NHEJ1: variants seen among roughly 807,000 people sequenced by gnomAD.
The protein encoded by NHEJ1 is non-homologous end-joining factor 1.
A neutral mutation model predicts 39.4 loss-of-function variants in NHEJ1; 22 were observed. The observed-to-expected ratio is 0.56, with a 90% CI of 0.40 to 0.80. NHEJ1 has a LOEUF of 0.80. Ranked by LOEUF, NHEJ1 falls within the 30% of genes least tolerant of loss-of-function variation. The probability of loss-of-function intolerance (pLI) is 0.00; values close to 1 mark genes in which losing one functional copy is unlikely to be tolerated. For missense variants in NHEJ1, 329 were observed against 357.1 expected, an observed-to-expected ratio of 0.92 and a Z score of 0.63; for synonymous variants, 154 against 135.6, an observed-to-expected ratio of 1.14 and a Z score of -0.94.
chr2:219,107,487 G>C (rs1158946438), intron 5 of NHEJ1, among the ~76,000 whole-genome samples: 3 of 152,164 alleles, frequency 2.0e-5, no homozygotes, highest in Admixed American at 2.0e-4. Flanking sequence ...CAGATGACAG[G>C]AACAAATGCA....
intron 5 of NHEJ1, among the ~76,000 whole-genome samples, chr2:219,094,953 C>T (rs1473580668): frequency 1.3e-5 from 2 of 152,090 alleles, no homozygotes; most frequent in African/African-American, 4.8e-5. Flanking sequence ...CTCCAAACCA[C>T]CAAAACAGAG....
At chr2:219,119,314 T>C (rs867757198) in intron 5 of NHEJ1, among the ~76,000 whole-genome samples, 8 of 152,290 alleles carry the variant, frequency 5.3e-5, no homozygotes, top group Middle Eastern at 3.4e-3. Context: ...GTAGAAACTA[T>C]GGCATCTGGT....
intron 5 of NHEJ1, among the ~76,000 whole-genome samples, chr2:219,109,805 G>GCATGTGC (rs1949347511): frequency 6.6e-6 from 1 of 152,200 alleles, no homozygotes; most frequent in Admixed American, 6.5e-5. Context: ...CTGTCAGACT[G>GCATGTGC]CCTAAGATAG....
At chr2:219,080,587 T>TTATA (rs58776270) in intron 5 of NHEJ1, among the ~76,000 whole-genome samples, 5 of 59,868 alleles carry the variant, frequency 8.4e-5, no homozygotes, top group African/African-American at 1.8e-4. Context: ...ATATATACGC[T>TTATA]TATATATATA....
chr2:219,156,564 G>A (rs940568268), intron 3 of NHEJ1, among the ~76,000 whole-genome samples: 12 of 152,186 alleles, frequency 7.9e-5, no homozygotes, highest in African/African-American at 2.9e-4. Flanking sequence ...GTGAGTAGAG[G>A]ATATTATCCC....
intron 5 of NHEJ1, among the ~76,000 whole-genome samples, chr2:219,104,145 C>T (rs1413909345): frequency 6.6e-6 from 1 of 152,100 alleles, no homozygotes; most frequent in Non-Finnish European, 1.5e-5. Context: ...GGTCACCGCA[C>T]TGCATGAATC....
chr2:219,078,067 C>T (rs372523451), intron 6 of NHEJ1, 22 bp downstream of exon 6: 71 of 1,536,870 alleles, frequency 4.6e-5, no homozygotes, highest in Middle Eastern at 1.7e-4. Context: ...TCACACAGAC[C>T]GGGTACCTCT....
chr2:219,117,510 G>A (rs1949426501), intron 5 of NHEJ1, among the ~76,000 whole-genome samples: 1 of 152,364 alleles, frequency 6.6e-6, no homozygotes, highest in African/African-American at 2.4e-5. Context: ...CAGGCTCAGA[G>A]AATCAGCCAG....
rs544403504 is a variant in NHEJ1 at position 219,073,896 on chromosome 2, T to A, written c.*2485A>T. ...CTTTTATGTGCATGTAGAGTGGGGG[T>A]TGGGCCAGGCTGGGGGCCTCAGGGA... is the stretch of plus-strand genomic sequence containing the variant. On this transcript the variant is annotated 3_prime_UTR_variant, in exon 8 of 8. Coordinates refer to ENST00000356853, the MANE Select transcript of NHEJ1 (RefSeq NM_024782.3). Among the ~76,000 whole-genome samples, 1 of 151,776 alleles carries A rather than the reference T, an allele frequency of 6.6e-6. No homozygotes were observed. Among genetic ancestry groups the A allele is most frequent in the South Asian group, 2.1e-4 (1 of 4,776 alleles).
intron 5 of NHEJ1, among the ~76,000 whole-genome samples, chr2:219,079,877 A>G (rs1559185639): frequency 6.6e-6 from 1 of 151,974 alleles, no homozygotes; most frequent in Non-Finnish European, 1.5e-5. Context: ...CCTTCATACT[A>G]CCCAAGAAAT....
chr2:219,114,330 T>C (rs913667704), intron 5 of NHEJ1, among the ~76,000 whole-genome samples: 5 of 152,216 alleles, frequency 3.3e-5, no homozygotes. Flanking sequence ...TTGAATATTG[T>C]TTGTTTCAGT....
chr2:219,113,664 C>G (rs1385307889), intron 5 of NHEJ1, among the ~76,000 whole-genome samples: 2 of 152,134 alleles, frequency 1.3e-5, no homozygotes, highest in Non-Finnish European at 2.9e-5. Flanking sequence ...TTTTCTCCCC[C>G]TCCATAAGTC....
chr2:219,132,023 T>C (rs1050268310), intron 5 of NHEJ1, among the ~76,000 whole-genome samples: 1 of 152,236 alleles, frequency 6.6e-6, no homozygotes, highest in Admixed American at 6.5e-5. Context: ...AGTTATTTTA[T>C]CCTTATGGAC....
At position 219,073,627 on chromosome 2, in the gene NHEJ1, C is replaced by T. The variant is rs1948985029; in HGVS notation, c.*2754G>A. Among the ~76,000 whole-genome samples the T allele has an allele frequency of 6.6e-6, 1 of 152,194 alleles. No individual in the cohort carries two copies. The highest frequency in any genetic ancestry group is 2.1e-4 in the South Asian group (1 of 4,832). ...GGTCAAGTTCCTGCAGGAACTTCCTCGAGGTCCCAAGTCCTGCTCCTGGTT... is the reference window on the plus strand; with the variant it reads ...GGTCAAGTTCCTGCAGGAACTTCCTTGAGGTCCCAAGTCCTGCTCCTGGTT... On this transcript the variant is annotated 3_prime_UTR_variant, in exon 8 of 8. Coordinates refer to ENST00000356853, the MANE Select transcript of NHEJ1 (RefSeq NM_024782.3).
intron 3 of NHEJ1, among the ~76,000 whole-genome samples, chr2:219,152,131 C>T (rs893877284): frequency 3.3e-5 from 5 of 152,140 alleles, no homozygotes; most frequent in African/African-American, 1.2e-4. Flanking sequence ...CAACAGATAT[C>T]TACTGGGTTC....
rs1170300581 is a variant in NHEJ1, at chr2:219,147,702, G to A, written c.484C>T (p.Leu162=). Reference sequence around the variant, plus strand: ...CTCTCCTGGTAGTCTTGGATCTCTAGGTCTTTCATATGAAGTAACGTTGCT... The same window carrying A: ...CTCTCCTGGTAGTCTTGGATCTCTAAGTCTTTCATATGAAGTAACGTTGCT... ...ELATLLHMKD[L]EIQDYQESGA... is the part of the protein sequence containing the mutation. The change falls in exon 4 of 8, where the codon CTA becomes TTA. Residue 162 remains leucine (L), a synonymous_variant. Transcript: ENST00000356853. The A allele has an allele frequency of 1.9e-6, 3 of 1,614,174 alleles. No individual in the cohort carries two copies. The South Asian group carries it at 3.3e-5, about 18-fold the overall frequency.
At chr2:219,089,801 C>G (rs144596230) in intron 5 of NHEJ1, among the ~76,000 whole-genome samples, 1 of 152,166 alleles carries the variant, frequency 6.6e-6, no homozygotes, top group Non-Finnish European at 1.5e-5. Context: ...AGTCTCTATT[C>G]TCCCCATCTT....
At chr2:219,113,327 T>C (rs544992166) in intron 5 of NHEJ1, among the ~76,000 whole-genome samples, 1 of 152,028 alleles carries the variant, frequency 6.6e-6, no homozygotes, top group Non-Finnish European at 1.5e-5. Flanking sequence ...AAATACGTGC[T>C]GAAGCACAAA....
At position 219,157,695 on chromosome 2, in the gene NHEJ1, A is replaced by C; in HGVS notation, c.178-11T>G. On this transcript the variant is annotated splice_polypyrimidine_tract_variant and intron_variant, in intron 2 of 7. Transcript: ENST00000356853. ...CCGCTTGTTCAGCTCCTAAAGAGAG[A>C]GCAGTGGTACAGAGTAAGGGTGCTA... 6.2e-7 allele frequency: 1 copy of C among 1,609,772 alleles called. No homozygotes were observed. Among genetic ancestry groups the C allele is most frequent in the Non-Finnish European group, 8.5e-7 (1 of 1,177,258 alleles).
Sources: allele counts gnomAD v4.1 joint callset (sites outside exome capture counted in the v4.1 genomes callset), GRCh38; gene constraint gnomAD v4.1.1; transcripts MANE v1.5; gene names NCBI Gene and HGNC (gene_info 2026-07-23, HGNC 2026-07-21).